ANKRD11: variants seen among roughly 807,000 people sequenced by gnomAD.
ANKRD11 encodes ankyrin repeat domain 11.
A neutral mutation model predicts 195.7 loss-of-function variants in ANKRD11; 17 were observed. The ratio of observed to expected loss-of-function variants is 0.09; its 90% CI spans 0.06 to 0.13. The LOEUF is 0.13. Among genes scored for constraint, ANKRD11 ranks in the 10% least tolerant of loss-of-function variants. The pLI, the probability that ANKRD11 is intolerant of heterozygous loss-of-function variation, is 1.00. For synonymous variants in ANKRD11, 1,953 were observed against 1,528.1 expected (o/e 1.28, Z -6.49); for missense variants, 3,735 against 3,566.1 (o/e 1.05, Z -1.21).
chr16:89,407,672 C>G (rs976825615), intron 2 of ANKRD11, among the ~76,000 whole-genome samples: 1 of 151,970 alleles, frequency 6.6e-6, no homozygotes, highest in Admixed American at 6.6e-5. Context: ...CACACATACA[C>G]ACACACACAC....
At chr16:89,302,908 T>C (rs2035943557) in intron 4 of ANKRD11, among the ~76,000 whole-genome samples, 1 of 151,818 alleles carries the variant, frequency 6.6e-6, no homozygotes, top group Non-Finnish European at 1.5e-5. Context: ...TGGCAGAAAA[T>C]ATCCCAGAGA....
At chr16:89,296,253 T>C (rs2151825083) in intron 4 of ANKRD11, among the ~76,000 whole-genome samples, 2 of 152,216 alleles carry the variant, frequency 1.3e-5, no homozygotes, top group South Asian at 2.1e-4. Flanking sequence ...TTATACTTTT[T>C]GAATTTGAGG....
intron 2 of ANKRD11, among the ~76,000 whole-genome samples, chr16:89,328,172 G>A (rs185689994): frequency 1.2e-4 from 18 of 152,164 alleles, no homozygotes; most frequent in Non-Finnish European, 2.2e-4. Flanking sequence ...CACACCAATC[G>A]GAACAGCTAA....
rs183304562 is a variant in ANKRD11, at chr16:89,386,828, G to T, written c.-60+31456C>A. 8.0e-4 allele frequency among the ~76,000 whole-genome samples: 122 copies of T among 152,312 alleles called. 1 individual carries two copies. Among genetic ancestry groups the T allele is most frequent in the African/African-American group, 2.8e-3 (117 of 41,566 alleles). On this transcript the variant is annotated intron_variant, in intron 2 of 12. Transcript: ENST00000301030. ...CAGCATCTCCATAAAGCAGAAGCCT[G>T]AAGACTCAGTCCTATCACAGCCAGA...
Position 89,281,772 on chromosome 16 carries a change from C to T in ANKRD11, c.4770G>A (p.Lys1590=), listed in dbSNP as rs200714417. The part of the protein sequence containing the change: ...MTSFERMLSQ[K]DLEIEERHKR... ...TGTGGCGCTCCTCGATCTCCAGGTC[C>T]TTCTGGGACAGCATCCTCTCGAAGC... The change falls in exon 9 of 13, where the codon AAG becomes AAA. Residue 1590 remains lysine, a synonymous_variant. Coordinates refer to ENST00000301030, the MANE Select transcript of ANKRD11 (RefSeq NM_013275.6). The surrounding 1 kb of genome is among the most constrained non-coding windows in gnomAD (Gnocchi z 5.5). 2.5e-6 allele frequency: 4 copies of T among 1,614,042 alleles called. No homozygotes were observed. The highest frequency in any genetic ancestry group is 3.4e-6 in the Non-Finnish European group (4 of 1,180,018).
intron 2 of ANKRD11, among the ~76,000 whole-genome samples, chr16:89,350,547 G>C (rs969275356): frequency 6.6e-6 from 1 of 152,112 alleles, no homozygotes; most frequent in African/African-American, 2.4e-5. Context: ...CCAGACACAA[G>C]AGTCCACACT....
chr16:89,421,877 G>C (rs1361543671), intron 1 of ANKRD11, among the ~76,000 whole-genome samples: 1 of 152,202 alleles, frequency 6.6e-6, no homozygotes, highest in African/African-American at 2.4e-5. Flanking sequence ...ACCAAAACCA[G>C]AATCCAGTTA....
chr16:89,389,751 G>T (rs1461902196), intron 2 of ANKRD11, among the ~76,000 whole-genome samples: 3 of 150,212 alleles, frequency 2.0e-5, no homozygotes, highest in African/African-American at 4.9e-5. Context: ...GAGTGTGGCG[G>T]GGAGCACCGA....
intron 2 of ANKRD11, among the ~76,000 whole-genome samples, chr16:89,349,133 G>GT (rs2039078947): frequency 6.3e-4 from 1 of 1,576 alleles, no homozygotes; most frequent in Non-Finnish European, 1.2e-3. Flanking sequence ...GTCTCAAAAA[G>GT]TAAAAAAAAA....
At chr16:89,317,154 C>G (rs1228849329) in intron 2 of ANKRD11, 76 bp from the exon 3 acceptor site, 1 of 994,976 alleles carries the variant, frequency 1.0e-6, no homozygotes, top group Non-Finnish European at 1.5e-6. Context: ...CCGCACTCAA[C>G]AGACTCAGTA....
intron 2 of ANKRD11, among the ~76,000 whole-genome samples, chr16:89,325,662 G>A (rs1282640535): frequency 1.3e-5 from 2 of 152,246 alleles, no homozygotes; most frequent in Non-Finnish European, 2.9e-5. Context: ...GGTTCTAAGT[G>A]AAGGCTGCGG....
At chr16:89,449,692 C>A (rs932410144) in intron 1 of ANKRD11, among the ~76,000 whole-genome samples, 1 of 152,134 alleles carries the variant, frequency 6.6e-6, no homozygotes, top group Non-Finnish European at 1.5e-5. Flanking sequence ...ACTCGGGAGG[C>A]TGAGGCAGGA....
At position 89,368,376 on chromosome 16, in the gene ANKRD11, T is replaced by G. The variant is rs1031143436; in HGVS notation, c.-60+49908A>C. Among the ~76,000 whole-genome samples the G allele has an allele frequency of 1.2e-3, 129 of 107,440 alleles. 3 individuals carry two copies. The South Asian group carries it at 0.028, about 23-fold the overall frequency. The allele number at this position is 107,440 out of a possible 152,430, so 70.5% of individuals were successfully genotyped here. ...CGTGCCTGGCTAATTTTTGTGTTTT[T>G]TTTTTTTTTTTTTTTTTTTTTTTTT... On this transcript the variant is annotated intron_variant, in intron 2 of 12. Transcript: ENST00000301030.
At chr16:89,372,430 G>A (rs1022392568) in intron 2 of ANKRD11, among the ~76,000 whole-genome samples, 2 of 152,170 alleles carry the variant, frequency 1.3e-5, no homozygotes, top group Admixed American at 6.5e-5. Context: ...AGTGGCAGGC[G>A]GAGTGAGAGG....
At chr16:89,335,163 G>A (rs2038283103) in intron 2 of ANKRD11, among the ~76,000 whole-genome samples, 1 of 152,206 alleles carries the variant, frequency 6.6e-6, no homozygotes, top group South Asian at 2.1e-4. Flanking sequence ...TGGGGGCACT[G>A]TGGAAAGCAC....
chr16:89,395,505 G>C (rs1013738409), intron 2 of ANKRD11, among the ~76,000 whole-genome samples: 8 of 152,236 alleles, frequency 5.3e-5, no homozygotes, highest in African/African-American at 1.9e-4. Context: ...CAGACGCACA[G>C]ACCCACCCGA....
At chr16:89,304,612 G>A (rs1033737159) in intron 4 of ANKRD11, among the ~76,000 whole-genome samples, 1 of 150,264 alleles carries the variant, frequency 6.7e-6, no homozygotes, top group African/African-American at 2.5e-5. Flanking sequence ...ACACACACGG[G>A]CATACATACA....
At chr16:89,436,812 G>C (rs1481698770) in intron 1 of ANKRD11, among the ~76,000 whole-genome samples, 1 of 152,200 alleles carries the variant, frequency 6.6e-6, no homozygotes, top group Non-Finnish European at 1.5e-5. Context: ...AATAACTAGA[G>C]AACTGTTAGA....
At chr16:89,471,043 T>C (rs188945564) in intron 1 of ANKRD11, among the ~76,000 whole-genome samples, 2 of 150,998 alleles carry the variant, frequency 1.3e-5, no homozygotes. Flanking sequence ...CCTTCCTTCC[T>C]ACATCCTCAA....
Sources: allele counts gnomAD v4.1 joint callset (sites outside exome capture counted in the v4.1 genomes callset), GRCh38; gene constraint gnomAD v4.1.1; non-coding constraint Gnocchi (gnomAD v3.1); transcripts MANE v1.5; gene names NCBI Gene and HGNC (gene_info 2026-07-23, HGNC 2026-07-21).